The following KLHL7 variants were observed in gnomAD, a reference collection of about 807,000 sequenced individuals.
The protein encoded by KLHL7 is kelch-like protein 7.
A neutral mutation model predicts 67.4 loss-of-function variants in KLHL7; 44 were observed. The observed-to-expected ratio is 0.65, with a 90% CI of 0.51 to 0.84. The LOEUF is 0.84. Ranked by LOEUF, KLHL7 falls within the 40% of genes least tolerant of loss-of-function variation. The pLI is 0.00. For missense variants in KLHL7, 362 were observed against 718.1 expected, an observed-to-expected ratio of 0.50 and a Z score of 5.67; for synonymous variants, 252 against 243.3, an observed-to-expected ratio of 1.04 and a Z score of -0.33.
chr7:23,134,840 T>C (rs903457204), intron 4 of KLHL7, among the ~76,000 whole-genome samples: 4 of 152,186 alleles, frequency 2.6e-5, no homozygotes, highest in African/African-American at 9.7e-5. Flanking sequence ...ATCTTCTCTC[T>C]CATTTTCTAA....
chr7:23,118,154 A>G (rs1250232567), intron 1 of KLHL7, among the ~76,000 whole-genome samples: 1 of 152,262 alleles, frequency 6.6e-6, no homozygotes, highest in Non-Finnish European at 1.5e-5. Flanking sequence ...GCAAAAGGTC[A>G]TGATACCAAC....
chr7:23,128,045 G>A (rs764704718), intron 4 of KLHL7, among the ~76,000 whole-genome samples: 1 of 151,468 alleles, frequency 6.6e-6, no homozygotes, highest in Non-Finnish European at 1.5e-5. Flanking sequence ...CGGGAAAATC[G>A]CTTGAACCGG....
At chr7:23,136,853 A>G (rs1260440052) in intron 4 of KLHL7, among the ~76,000 whole-genome samples, 2 of 152,248 alleles carry the variant, frequency 1.3e-5, no homozygotes, top group Non-Finnish European at 2.9e-5. Context: ...TAACCAAAGT[A>G]TTTCTTAGAA....
At chr7:23,164,743 A>G (rs1221795136) in intron 7 of KLHL7, among the ~76,000 whole-genome samples, 2 of 152,184 alleles carry the variant, frequency 1.3e-5, no homozygotes, top group Non-Finnish European at 2.9e-5. Flanking sequence ...GTTCTGTGAT[A>G]CTTTAATCCA....
At position 23,105,845 on chromosome 7, in the gene KLHL7, G is replaced by A. The variant is rs904775184; in HGVS notation, c.-182G>A. On this transcript the variant is annotated 5_prime_UTR_variant, in exon 1 of 11. Coordinates refer to ENST00000339077, the MANE Select transcript of KLHL7 (RefSeq NM_001031710.3). ...TCGCTCCCTGAGCGTTTCTAAGGGG[G>A]CCGCCCGGCCTTGTCTTTCGGCAGT... is the stretch of plus-strand genomic sequence containing the variant. The A allele has an allele frequency of 1.8e-5, 16 of 896,778 alleles. No individual in the cohort carries two copies. The highest frequency in any genetic ancestry group is 2.6e-5 in the Non-Finnish European group (15 of 579,376). The allele number at this position is 896,778 out of a possible 1,614,324, so 55.6% of individuals were successfully genotyped here.
At chr7:23,112,976 C>T (rs961438572) in intron 1 of KLHL7, among the ~76,000 whole-genome samples, 1 of 152,014 alleles carries the variant, frequency 6.6e-6, no homozygotes, top group Admixed American at 6.6e-5. Flanking sequence ...TAGATAATTC[C>T]TGATATGAGA....
intron 4 of KLHL7, chr7:23,126,144 A>G: frequency 2.4e-6 from 1 of 418,156 alleles, no homozygotes; most frequent in Non-Finnish European, 4.5e-6. Flanking sequence ...AGTCCACTTC[A>G]TAACCAGGAT....
intron 8 of KLHL7, among the ~76,000 whole-genome samples, chr7:23,166,337 A>C (rs1188595198): frequency 1.3e-5 from 2 of 152,142 alleles, no homozygotes; most frequent in African/African-American, 4.8e-5. Flanking sequence ...TTTTTATTAG[A>C]AAAAAGAATG....
chr7:23,170,950 C>T (rs1249935084), intron 9 of KLHL7, among the ~76,000 whole-genome samples: 1 of 148,400 alleles, frequency 6.7e-6, no homozygotes, highest in African/African-American at 2.5e-5. Flanking sequence ...ACTCTGTCAC[C>T]ATGCTGGAAT....
At chr7:23,139,669 A>G (rs1405445666) in intron 4 of KLHL7, among the ~76,000 whole-genome samples, 1 of 152,246 alleles carries the variant, frequency 6.6e-6, no homozygotes, top group Non-Finnish European at 1.5e-5. Context: ...TTAAATGAAG[A>G]CAATGTGAAA....
Position 23,176,923 on chromosome 7 carries a change from G to T in KLHL7, c.*2625G>T, listed in dbSNP as rs1240090013. 6.6e-6 allele frequency: 1 copy of T among 151,360 alleles called. No individual in the cohort carries two copies. The highest frequency in any genetic ancestry group is 1.5e-5 in the Non-Finnish European group (1 of 67,944). The allele number at this position is 151,360 out of a possible 1,614,324, so 9.4% of individuals were successfully genotyped here. A position where few individuals can be genotyped will look rare whatever the true frequency, so the allele number is the denominator to read the frequency against. On this transcript the variant is annotated 3_prime_UTR_variant, in exon 11 of 11. Transcript: ENST00000339077. ...TGGGAGGCAGAGGTTGCAGTGAGCT[G>T]AGATTGCGCCACTTCATTCCAGCCT... is the stretch of plus-strand genomic sequence containing the variant.
At chr7:23,149,011 A>G (rs1181514025) in intron 6 of KLHL7, among the ~76,000 whole-genome samples, 1 of 152,216 alleles carries the variant, frequency 6.6e-6, no homozygotes, top group African/African-American at 2.4e-5. Flanking sequence ...TTGTCTTCCT[A>G]CCACCGGACT....
rs752568937 is a variant in KLHL7, at chr7:23,106,197, C to T, written c.120+51C>T. 6 of 1,593,356 alleles carry T rather than the reference C, an allele frequency of 3.8e-6. No individual in the cohort carries two copies. The Admixed American group carries it at 5.3e-5, about 14-fold the overall frequency. Reference sequence around the variant, plus strand: ...CGACGGTGGGAGGTGGTCCGGGGCTCGGGCCCCTGGTTCCCGGGGTGGAAC... The same window carrying T: ...CGACGGTGGGAGGTGGTCCGGGGCTTGGGCCCCTGGTTCCCGGGGTGGAAC... On this transcript the variant is annotated intron_variant, in intron 1 of 10. Coordinates refer to ENST00000339077, the MANE Select transcript of KLHL7 (RefSeq NM_001031710.3).
chr7:23,126,818 A>G (rs1013232672), intron 4 of KLHL7, among the ~76,000 whole-genome samples: 2 of 152,200 alleles, frequency 1.3e-5, no homozygotes, highest in African/African-American at 4.8e-5. Context: ...AAGGGATTGG[A>G]CTAGATGGAG....
chr7:23,140,742 A>G lies in KLHL7; in HGVS notation c.443-27A>G, dbSNP rs1784154619. On this transcript the variant is annotated intron_variant, in intron 4 of 10. Transcript: ENST00000339077. ...TTGGTTTTTCTAAAAATGATTTTCT[A>G]TTCTTTTATTTTCTTTCTGTGTTTA... 17 of 1,603,838 alleles carry G rather than the reference A, an allele frequency of 1.1e-5. No individual in the cohort carries two copies. The East Asian group carries it at 3.6e-4, about 34-fold the overall frequency.
intron 7 of KLHL7, among the ~76,000 whole-genome samples, chr7:23,154,076 A>T (rs1408854645): frequency 6.6e-6 from 1 of 152,238 alleles, no homozygotes; most frequent in African/African-American, 2.4e-5. Flanking sequence ...TTTACAGGCC[A>T]GGTGCAGTGG....
chr7:23,165,579 T>C, intron 7 of KLHL7, 119 bp from the exon 8 acceptor site: 3 of 1,163,848 alleles, frequency 2.6e-6, no homozygotes, highest in Non-Finnish European at 3.7e-6. Flanking sequence ...GCCAAACATT[T>C]GTATGTGTAG....
At chr7:23,166,521 AG>A (rs1297157614) in intron 8 of KLHL7, among the ~76,000 whole-genome samples, 1 of 152,176 alleles carries the variant, frequency 6.6e-6, no homozygotes, top group Admixed American at 6.5e-5. Context: ...GGTGCAGGCT[AG>A]ATACATAATA....
rs774884894 is a variant in KLHL7, at chr7:23,165,888, C to A, written c.1127C>A (p.Ala376Asp). 1 of 1,614,028 alleles carries A rather than the reference C, an allele frequency of 6.2e-7. No individual in the cohort carries two copies. The highest frequency in any genetic ancestry group is 1.7e-5 in the Admixed American group (1 of 60,012). Residue 376 changes from alanine to aspartate, a missense_variant, in exon 8 of 11, where the codon GCT (alanine) becomes GAT (aspartate). By Grantham distance (126) the Ala-to-Asp change is moderately radical. This residue lies in a region of KLHL7 where 12 missense variants were observed against 81.8 expected (regional missense o/e 0.15). Transcript: ENST00000339077. The part of the protein sequence containing the change: ...LGPPTPRDSL[A>D]ACAAEGKIYT... Reference sequence around the variant, plus strand: ...CCTCCGACACCTCGAGACAGCCTTGCTGCATGTGCTGCAGAAGGCAAAATT... The same window carrying A: ...CCTCCGACACCTCGAGACAGCCTTGATGCATGTGCTGCAGAAGGCAAAATT...
Sources: gnomAD v4.1 joint callset for allele counts (sites outside exome capture counted in the v4.1 genomes callset) on GRCh38, gnomAD v4.1.1 for gene constraint, gnomAD v4.1.1 regional missense constraint, MANE v1.5 for transcripts, NCBI Gene and HGNC (gene_info 2026-07-23, HGNC 2026-07-21) for gene names.